Variants in CHRM3 observed in about 807,000 individuals in gnomAD.
The protein encoded by CHRM3 is muscarinic acetylcholine receptor M3.
A neutral mutation model predicts 41.8 loss-of-function variants in CHRM3; 11 were observed. The observed-to-expected ratio is 0.26, with a 90% confidence interval of 0.17 to 0.44. CHRM3 has a LOEUF of 0.44. CHRM3 is among the 20% of genes least tolerant of loss of function. The probability of loss-of-function intolerance (pLI) is 1.00; values close to 1 mark genes in which losing one functional copy is unlikely to be tolerated. For synonymous variants in CHRM3, 297 were observed against 301.4 expected (o/e 0.99, Z 0.15); for missense variants, 571 against 745.4 (o/e 0.77, Z 2.72).
At chr1:239,779,414 A>G (rs1282355710) in intron 5 of CHRM3, among the ~76,000 whole-genome samples, 2 of 152,240 alleles carry the variant, frequency 1.3e-5, no homozygotes, top group East Asian at 1.9e-4. Flanking sequence ...AGAATCATGT[A>G]TCCACCATTA....
intron 6 of CHRM3, among the ~76,000 whole-genome samples, chr1:239,859,429 TTTG>T (rs1188782280): frequency 1.1e-4 from 16 of 139,932 alleles, no homozygotes; most frequent in Middle Eastern, 3.5e-3. Flanking sequence ...GTTTTTTTTT[TTTG>T]TTTTTTTTTT....
At position 239,654,185 on chromosome 1, in the gene CHRM3, G is replaced by T. The variant is rs192912984; in HGVS notation, c.-250+21899G>T. Among the ~76,000 whole-genome samples, 202 of 152,100 alleles carry T rather than the reference G, an allele frequency of 1.3e-3. 1 individual carries two copies. Among genetic ancestry groups the T allele is most frequent in the Non-Finnish European group, 2.5e-3 (169 of 67,988 alleles). ...GGGTCTCACTACGTTACTCAGGATG[G>T]TCTCAAATTCCTGGGTTTAAGCAAT... is the stretch of plus-strand genomic sequence containing the variant. On this transcript the variant is annotated intron_variant, in intron 4 of 6. Transcript: ENST00000676153.
At chr1:239,572,300 A>G (rs1661903519) in intron 3 of CHRM3, among the ~76,000 whole-genome samples, 1 of 152,206 alleles carries the variant, frequency 6.6e-6, no homozygotes. Flanking sequence ...TGAGATTCCA[A>G]TTCAAAAGAT....
chr1:239,698,098 G>T (rs538178151), intron 5 of CHRM3, among the ~76,000 whole-genome samples: 1 of 152,108 alleles, frequency 6.6e-6, no homozygotes, highest in South Asian at 2.1e-4. Context: ...GAGATTCTGA[G>T]AAAGAACTGA....
rs115251416 is a variant in CHRM3 at position 239,676,908 on chromosome 1, G to A, written c.-249-1278G>A. ...CTATAAAAGGATGTTCTGCCACATC[G>A]TGTGCATAAGTTTGATTTTCCTCCT... On this transcript the variant is annotated intron_variant, in intron 4 of 6. Transcript: ENST00000676153. 2.3e-3 allele frequency among the ~76,000 whole-genome samples: 355 copies of A among 152,238 alleles called. 8 individuals are homozygous for A. The highest frequency in any genetic ancestry group is 8.1e-3 in the African/African-American group (337 of 41,514).
At chr1:239,570,484 G>A (rs1661726480) in intron 3 of CHRM3, among the ~76,000 whole-genome samples, 1 of 152,176 alleles carries the variant, frequency 6.6e-6, no homozygotes, top group African/African-American at 2.4e-5. Context: ...TAGTAGAGCT[G>A]TGATAGATAT....
At chr1:239,813,398 A>G (rs1301579917) in intron 5 of CHRM3, among the ~76,000 whole-genome samples, 1 of 152,260 alleles carries the variant, frequency 6.6e-6, no homozygotes, top group Non-Finnish European at 1.5e-5. Context: ...AGAAAAAAAT[A>G]ATTTGGACTA....
intron 2 of CHRM3, among the ~76,000 whole-genome samples, chr1:239,534,544 A>G (rs1014131500): frequency 2.6e-5 from 4 of 152,150 alleles, no homozygotes; most frequent in African/African-American, 9.7e-5. Flanking sequence ...CATTTACCTT[A>G]TTTCTGTTTT....
intron 1 of CHRM3, among the ~76,000 whole-genome samples, chr1:239,388,612 A>G (rs1327108109): frequency 6.6e-6 from 1 of 152,248 alleles, no homozygotes; most frequent in Non-Finnish European, 1.5e-5. Flanking sequence ...AACCTAGAGC[A>G]GATACCTGCA....
chr1:239,563,437 T>C (rs1661066029), intron 3 of CHRM3, among the ~76,000 whole-genome samples: 1 of 152,160 alleles, frequency 6.6e-6, no homozygotes, highest in Non-Finnish European at 1.5e-5. Flanking sequence ...TAAGAATGGC[T>C]AAAGCTTAAA....
At chr1:239,606,483 C>T (rs975804706) in intron 3 of CHRM3, among the ~76,000 whole-genome samples, 6 of 152,158 alleles carry the variant, frequency 3.9e-5, no homozygotes, top group African/African-American at 1.4e-4. Context: ...ACTATGTTGG[C>T]CAGGCTGGTC....
At chr1:239,612,316 A>G (rs1162095426) in intron 3 of CHRM3, among the ~76,000 whole-genome samples, 1 of 152,146 alleles carries the variant, frequency 6.6e-6, no homozygotes, top group Non-Finnish European at 1.5e-5. Context: ...TTTCTTAGGT[A>G]TTTTTATTAA....
intron 1 of CHRM3, among the ~76,000 whole-genome samples, chr1:239,417,492 G>A (rs924513121): frequency 1.3e-5 from 2 of 151,630 alleles, no homozygotes; most frequent in African/African-American, 2.4e-5. Flanking sequence ...ATAAGTGTGT[G>A]GTGAAATGTT....
Position 239,404,718 on chromosome 1 carries a change from A to AAATATATAT in CHRM3, c.-521+17493_-521+17501dup, listed in dbSNP as rs1491226401. ...CCATTAAATGTATCATGCTATATCT[A>AAATATATAT]AATATATATATATATATATATATAT... On this transcript the variant is annotated intron_variant, in intron 1 of 6. Transcript: ENST00000676153. Among the ~76,000 whole-genome samples the AAATATATAT allele has an allele frequency of 7.3e-3, 565 of 77,004 alleles. 17 individuals are homozygous for AAATATATAT. In the East Asian group the frequency reaches 0.084, roughly 11 times the overall value. The allele number at this position is 77,004 out of a possible 152,430, so 50.5% of individuals were successfully genotyped here.
At chr1:239,881,632 G>T (rs1344185499) in intron 6 of CHRM3, among the ~76,000 whole-genome samples, 2 of 152,124 alleles carry the variant, frequency 1.3e-5, no homozygotes, top group Non-Finnish European at 2.9e-5. Context: ...CCAAGCCAGG[G>T]ACTTGGAACC....
intron 1 of CHRM3, among the ~76,000 whole-genome samples, chr1:239,476,101 C>A (rs1327910631): frequency 1.3e-5 from 2 of 151,766 alleles, no homozygotes; most frequent in African/African-American, 4.8e-5. Flanking sequence ...TCCTAATAAA[C>A]TATCAGTGGA....
intron 5 of CHRM3, among the ~76,000 whole-genome samples, chr1:239,756,718 C>T (rs1392271790): frequency 6.6e-6 from 1 of 152,052 alleles, no homozygotes; most frequent in Admixed American, 6.6e-5. Flanking sequence ...ATTATAGAAC[C>T]ATCGAGTTCT....
At chr1:239,549,422 G>A (rs1333943308) in intron 3 of CHRM3, among the ~76,000 whole-genome samples, 3 of 150,900 alleles carry the variant, frequency 2.0e-5, no homozygotes, top group African/African-American at 7.3e-5. Flanking sequence ...GGCTGAGATG[G>A]TCAGATCACT....
intron 5 of CHRM3, among the ~76,000 whole-genome samples, chr1:239,688,243 C>A (rs916943262): frequency 1.5e-4 from 22 of 147,060 alleles, no homozygotes; most frequent in African/African-American, 5.4e-4. Flanking sequence ...ATTATATAAT[C>A]TATTATTAAA....
Sources: gnomAD v4.1 joint callset for allele counts (sites outside exome capture counted in the v4.1 genomes callset) on GRCh38, gnomAD v4.1.1 for gene constraint, MANE v1.5 for transcripts, NCBI Gene and HGNC (gene_info 2026-07-23, HGNC 2026-07-21) for gene names.